ZBTB41: variants seen among roughly 807,000 people sequenced by gnomAD.
ZBTB41 encodes zinc finger and BTB domain containing 41.
ZBTB41 carries 42 observed loss-of-function variants against 87.6 expected under a neutral mutation model. The observed-to-expected ratio is 0.48, with a 90% CI of 0.37 to 0.62. The LOEUF is 0.62. Among genes scored for constraint, ZBTB41 ranks in the 20% least tolerant of loss-of-function variants. The probability of loss-of-function intolerance (pLI) is 0.00; values close to 1 mark genes in which losing one functional copy is unlikely to be tolerated. For synonymous variants in ZBTB41, 364 were observed against 364.0 expected, an observed-to-expected ratio of 1.00 and a Z score of 0.00; for missense variants, 799 against 1,078.9, an observed-to-expected ratio of 0.74 and a Z score of 3.63.
intron 2 of ZBTB41, among the ~76,000 whole-genome samples, chr1:197,196,585 G>A (rs1256125807): frequency 1.3e-5 from 2 of 151,830 alleles, no homozygotes; most frequent in African/African-American, 4.8e-5. Flanking sequence ...ATTCTTACAG[G>A]CCATGGTTTC....
In ZBTB41 at chr1:197,188,321, C is replaced by A; in HGVS notation, c.1517G>T (p.Arg506Leu). Residue 506 changes from arginine (R) to leucine (L), a missense_variant, in exon 5 of 11, where the codon CGG becomes CTG. Physicochemically the swap from Arg to Leu is moderately radical, Grantham distance 102 (BLOSUM62 -2). Coordinates refer to ENST00000367405, the MANE Select transcript of ZBTB41 (RefSeq NM_194314.3). Reference sequence around the variant, plus strand: ...ATGGAACTTTTCTTGATGCTTTAACCGAGCAAACCGTGATTTAAAATGTTC... The same window carrying A: ...ATGGAACTTTTCTTGATGCTTTAACAGAGCAAACCGTGATTTAAAATGTTC... ...CEEHFKSRFA[R>L]LKHQEKFHLG... is the part of the protein sequence containing the mutation. 1 of 1,612,900 alleles carries A rather than the reference C, an allele frequency of 6.2e-7. No homozygotes were observed. Among genetic ancestry groups the A allele is most frequent in the Non-Finnish European group, 8.5e-7 (1 of 1,179,684 alleles).
chr1:197,200,891 T>C (rs1288568724), intron 1 of ZBTB41, among the ~76,000 whole-genome samples: 1 of 151,772 alleles, frequency 6.6e-6, no homozygotes, highest in African/African-American at 2.4e-5. Flanking sequence ...ACGGTGCGGG[T>C]TGAGGAGGCT....
chr1:197,172,401 T>C (rs1659503909), intron 9 of ZBTB41, among the ~76,000 whole-genome samples, 153 bp from the exon 10 acceptor site: 1 of 151,812 alleles, frequency 6.6e-6, no homozygotes. Flanking sequence ...TAACAAAGTA[T>C]AGAACTCCAA....
chr1:197,200,558 C>T lies in ZBTB41; in HGVS notation c.-85G>A, dbSNP rs1023997898. Reference sequence around the variant, plus strand: ...AAAACTAGATTGTCTTGGATAACAGCTTCTGAAGGGGCGTGCCCAAGGGTT... The same window carrying T: ...AAAACTAGATTGTCTTGGATAACAGTTTCTGAAGGGGCGTGCCCAAGGGTT... On this transcript the variant is annotated 5_prime_UTR_variant, in exon 2 of 11. Coordinates refer to ENST00000367405, the MANE Select transcript of ZBTB41 (RefSeq NM_194314.3). 1.1e-5 allele frequency: 15 copies of T among 1,356,808 alleles called. No individual in the cohort carries two copies. In the Admixed American group the frequency reaches 1.3e-4, roughly 11 times the overall value. The allele number at this position is 1,356,808 out of a possible 1,614,324, so 84.0% of individuals were successfully genotyped here.
At chr1:197,165,564 T>C (rs146652919) in intron 10 of ZBTB41, among the ~76,000 whole-genome samples, 2,068 of 150,986 alleles carry the variant, frequency 0.014, 43 homozygotes, top group African/African-American at 0.048. Context: ...GAGCCGAGAT[T>C]GCACCACGGC....
rs944290952 is a variant in ZBTB41 at position 197,156,857 on chromosome 1, A to G, written c.*2502T>C. On this transcript the variant is annotated 3_prime_UTR_variant, in exon 11 of 11. Transcript: ENST00000367405. ...ATGTAGTACCTGGCACATAGTAAGC[A>G]TTCATTAATGCTAGCTTTCTTCTTT... is the stretch of plus-strand genomic sequence containing the variant. 19 of 152,330 alleles carry G rather than the reference A, an allele frequency of 1.2e-4. No homozygotes were observed. Among genetic ancestry groups the G allele is most frequent in the African/African-American group, 4.6e-4 (19 of 41,520 alleles). 9.4% of individuals were successfully genotyped at this position (152,330 alleles called of 1,614,324 possible). A position where few individuals can be genotyped will look rare whatever the true frequency, so the allele number is the denominator to read the frequency against.
intron 5 of ZBTB41, among the ~76,000 whole-genome samples, chr1:197,183,715 T>C (rs147349848): frequency 1.3e-5 from 2 of 152,240 alleles, no homozygotes; most frequent in Non-Finnish European, 2.9e-5. Flanking sequence ...CTATTTTGAA[T>C]GTCGAATGTA....
chr1:197,172,145 C>G lies in ZBTB41; in HGVS notation c.2074+15G>C, dbSNP rs1398000774. On this transcript the variant is annotated intron_variant, in intron 10 of 10. Transcript: ENST00000367405. ...TCTATATATATATATCTATGAACCA[C>G]TCATTAAATTTTACCTGAATGCGTT... 1 of 1,238,376 alleles carries G rather than the reference C, an allele frequency of 8.1e-7. No individual in the cohort carries two copies. Among genetic ancestry groups the G allele is most frequent in the East Asian group, 2.9e-5 (1 of 35,060 alleles). The allele number at this position is 1,238,376 out of a possible 1,614,324, so 76.7% of individuals were successfully genotyped here. A position where few individuals can be genotyped will look rare whatever the true frequency, so the allele number is the denominator to read the frequency against.
At chr1:197,178,535 G>A (rs763511967) in intron 6 of ZBTB41, 23 bp from the exon 7 acceptor site, 46 of 1,557,804 alleles carry the variant, frequency 3.0e-5, no homozygotes, top group Admixed American at 9.3e-5. Flanking sequence ...ATATAGATTC[G>A]AGATTTTTTA....
intron 10 of ZBTB41, among the ~76,000 whole-genome samples, chr1:197,162,141 AG>A (rs2125122486): frequency 6.6e-6 from 1 of 152,324 alleles, no homozygotes; most frequent in South Asian, 2.1e-4. Context: ...CATTTTCAAT[AG>A]AAAAATCAAT....
intron 8 of ZBTB41, among the ~76,000 whole-genome samples, chr1:197,176,353 A>G (rs909898483): frequency 6.6e-6 from 1 of 152,108 alleles, no homozygotes; most frequent in Non-Finnish European, 1.5e-5. Flanking sequence ...ACAAAGGGTT[A>G]CCAAATAATT....
Position 197,200,746 on chromosome 1 carries a change from A to G in ZBTB41, c.-117-156T>C, listed in dbSNP as rs1230796438. ...TGGCAAAGATTTTGGGGCGGAGAACAAGGAGGGCCGGGTTTAGAAAAGGCA... is the reference window on the plus strand; with the variant it reads ...TGGCAAAGATTTTGGGGCGGAGAACGAGGAGGGCCGGGTTTAGAAAAGGCA... On this transcript the variant is annotated intron_variant, in intron 1 of 10. Coordinates refer to ENST00000367405, the MANE Select transcript of ZBTB41 (RefSeq NM_194314.3). 5.3e-5 allele frequency among the ~76,000 whole-genome samples: 8 copies of G among 152,218 alleles called. No homozygotes were observed. In the South Asian group the frequency reaches 1.7e-3, roughly 32 times the overall value.
intron 10 of ZBTB41, among the ~76,000 whole-genome samples, chr1:197,160,942 A>T (rs1659187049): frequency 6.6e-6 from 1 of 152,182 alleles, no homozygotes; most frequent in African/African-American, 2.4e-5. Flanking sequence ...TGAAAATGGA[A>T]GGAGGAAGCT....
intron 5 of ZBTB41, among the ~76,000 whole-genome samples, chr1:197,186,429 A>AT (rs1210302148): frequency 6.6e-6 from 1 of 152,204 alleles, no homozygotes; most frequent in Non-Finnish European, 1.5e-5. Context: ...CTTAATTAAA[A>AT]TTTTCCTCTG....
In ZBTB41 at chr1:197,181,758, A is replaced by G. The variant is rs116527767; in HGVS notation, c.1547-641T>C. Among the ~76,000 whole-genome samples the G allele has an allele frequency of 6.9e-3, 1,052 of 152,300 alleles. 9 individuals are homozygous for G. Among genetic ancestry groups the G allele is most frequent in the African/African-American group, 0.023 (954 of 41,562 alleles). On this transcript the variant is annotated intron_variant, in intron 5 of 10. Coordinates refer to ENST00000367405, the MANE Select transcript of ZBTB41 (RefSeq NM_194314.3). ...AAAGAATTCTAATGAATTAATCATA[A>G]TAGCACAATGGAAAGAAAATAGAAT...
chr1:197,161,322 T>G lies in ZBTB41; in HGVS notation c.2075-1308A>C, dbSNP rs116094827. Among the ~76,000 whole-genome samples, 1,053 of 152,272 alleles carry G rather than the reference T, an allele frequency of 6.9e-3. 9 individuals are homozygous for G. Among genetic ancestry groups the G allele is most frequent in the African/African-American group, 0.023 (956 of 41,562 alleles). On this transcript the variant is annotated intron_variant, in intron 10 of 10. Transcript: ENST00000367405. ...TTTAAAGCCAAATTAGAAAATTACATATTAATTGTCACATGAGTTTGTTGA... is the reference window on the plus strand; with the variant it reads ...TTTAAAGCCAAATTAGAAAATTACAGATTAATTGTCACATGAGTTTGTTGA...
chr1:197,172,298 A>G (rs1659501658), intron 9 of ZBTB41, 50 bp from the exon 10 acceptor site: 1 of 582,980 alleles, frequency 1.7e-6, no homozygotes, highest in Admixed American at 4.3e-5. Context: ...TAATAACTAT[A>G]ATAAATATGA....
At position 197,175,111 on chromosome 1, in the gene ZBTB41, T is replaced by C. The variant is rs767110699; in HGVS notation, c.1884A>G (p.Glu628=). ...LTKHKKIHSG[E]KAHQCEECGK... is the part of the protein sequence containing the mutation. Reference sequence around the variant, plus strand: ...CACATTCTTCACACTGATGAGCTTTTTCACCTTAAAATAAAGACCCAAATA... The same window carrying C: ...CACATTCTTCACACTGATGAGCTTTCTCACCTTAAAATAAAGACCCAAATA... Residue 628 remains glutamate (E), a synonymous_variant, in exon 9 of 11, where the codon GAA becomes GAG. Coordinates refer to ENST00000367405, the MANE Select transcript of ZBTB41 (RefSeq NM_194314.3). The C allele has an allele frequency of 1.2e-6, 2 of 1,609,576 alleles. No homozygotes were observed.
intron 10 of ZBTB41, among the ~76,000 whole-genome samples, chr1:197,163,656 CACAG>C (rs1397349474): frequency 1.3e-5 from 2 of 151,788 alleles, no homozygotes; most frequent in Non-Finnish European, 1.5e-5. Context: ...CACACACACA[CACAG>C]AAACACTCAA....
Sources: allele counts gnomAD v4.1 joint callset (sites outside exome capture counted in the v4.1 genomes callset), GRCh38; gene constraint gnomAD v4.1.1; transcripts MANE v1.5; gene names NCBI Gene and HGNC (gene_info 2026-07-23, HGNC 2026-07-21).